The following MYT1 variants were observed in gnomAD, a reference collection of about 807,000 sequenced individuals.
The protein encoded by MYT1 is myelin transcription factor 1.
In MYT1, 23 loss-of-function variants were observed where a neutral mutation model predicts 123.0. The ratio of observed to expected loss-of-function variants is 0.19; its 90% CI spans 0.13 to 0.26. The LOEUF is 0.26. Among genes scored for constraint, MYT1 ranks in the 10% least tolerant of loss-of-function variants. The pLI is 1.00. For synonymous variants in MYT1, 518 were observed against 575.3 expected, an observed-to-expected ratio of 0.90 and a Z score of 1.43; for missense variants, 1,125 against 1,472.5, an observed-to-expected ratio of 0.76 and a Z score of 3.86.
chr20:64,180,718 C>A (rs1267510650), intron 1 of MYT1, among the ~76,000 whole-genome samples: 2 of 152,246 alleles, frequency 1.3e-5, no homozygotes, highest in Non-Finnish European at 2.9e-5. Flanking sequence ...CCTTTTCGGA[C>A]ACTTGTGCTC....
chr20:64,205,902 C>T, intron 6 of MYT1, 102 bp downstream of exon 6: 1 of 1,518,680 alleles, frequency 6.6e-7, no homozygotes, highest in Non-Finnish European at 8.8e-7. Context: ...CAAGAGAAAG[C>T]CCTTCCTGAG....
In MYT1 at chr20:64,213,778, C is replaced by T. The variant is rs112432609; in HGVS notation, c.1631+131C>T. The T allele has an allele frequency of 3.2e-3, 2,467 of 766,272 alleles. 48 individuals are homozygous for T. The African/African-American group carries it at 0.036, about 11-fold the overall frequency. The allele number at this position is 766,272 out of a possible 1,614,324, so 47.5% of individuals were successfully genotyped here. On this transcript the variant is annotated intron_variant, in intron 10 of 22. Coordinates refer to ENST00000328439, the MANE Select transcript of MYT1 (RefSeq NM_004535.3). The surrounding 1 kb of genome is among the most constrained non-coding windows in gnomAD (Gnocchi z 5.6). ...GTGAGTGTACGTGCATGTGAGTGTA[C>T]GTGCATGTGAGTGTGCACATGCCCC...
Position 64,218,891 on chromosome 20 carries a change from C to T in MYT1, c.1847-20C>T. ...GCCCCTCCAGTAGTTATGTGAGGAG[C>T]ACTTCATCCTCTTCTGCAGGCTTTG... is the stretch of plus-strand genomic sequence containing the variant. On this transcript the variant is annotated intron_variant, in intron 11 of 22. Transcript: ENST00000328439. The surrounding 1 kb of genome is among the most constrained non-coding windows in gnomAD (Gnocchi z 4.0). 6.2e-7 allele frequency: 1 copy of T among 1,613,150 alleles called. No individual in the cohort carries two copies. The highest frequency in any genetic ancestry group is 8.5e-7 in the Non-Finnish European group (1 of 1,180,030).
At chr20:64,204,853 A>G (rs945840094) in intron 4 of MYT1, among the ~76,000 whole-genome samples, 182 bp from the exon 5 acceptor site, 3 of 152,178 alleles carry the variant, frequency 2.0e-5, no homozygotes, top group African/African-American at 7.2e-5. Flanking sequence ...AACACTCGTA[A>G]AACTGTAATG....
chr20:64,176,274 G>A (rs73626446), intron 1 of MYT1, among the ~76,000 whole-genome samples: 3 of 67,008 alleles, frequency 4.5e-5, no homozygotes, highest in African/African-American at 1.3e-4. Flanking sequence ...CCCCTCCCTG[G>A]CTTCTCCTCC....
chr20:64,182,745 A>G (rs1050831147), intron 1 of MYT1, among the ~76,000 whole-genome samples: 1 of 152,138 alleles, frequency 6.6e-6, no homozygotes, highest in African/African-American at 2.4e-5. Context: ...GCAGCGGTCC[A>G]GAGGCTGGCC....
At chr20:64,194,752 G>A (rs1568704206) in intron 2 of MYT1, among the ~76,000 whole-genome samples, 1 of 152,188 alleles carries the variant, frequency 6.6e-6, no homozygotes, top group Non-Finnish European at 1.5e-5. Context: ...CGCAGCCTCT[G>A]GGGGCAAAGG....
chr20:64,178,029 C>T (rs866960266), intron 1 of MYT1, among the ~76,000 whole-genome samples: 8 of 152,288 alleles, frequency 5.3e-5, no homozygotes, highest in South Asian at 2.1e-4. Context: ...AGGAGCAGTC[C>T]TGGGACAGAG....
intron 4 of MYT1, 152 bp downstream of exon 4, chr20:64,200,074 C>T (rs191529672): frequency 7.1e-5 from 62 of 876,986 alleles, no homozygotes; most frequent in African/African-American, 6.0e-4. Flanking sequence ...CTCCTGGCCA[C>T]GTGTCCAGCT....
At chr20:64,227,802 A>T in intron 17 of MYT1, 86 bp from the exon 18 acceptor site, 12 of 922,816 alleles carry the variant, frequency 1.3e-5, no homozygotes, top group African/African-American at 6.6e-5. Flanking sequence ...GGGGTCACAG[A>T]GCTTGAGGGG....
rs1983939854 is a variant in MYT1 at position 64,219,698 on chromosome 20, C to T, written c.1972-15C>T. The T allele has an allele frequency of 3.1e-6, 5 of 1,601,014 alleles. No individual in the cohort carries two copies. The highest frequency in any genetic ancestry group is 1.7e-4 in the Middle Eastern group (1 of 6,036). ...GGGATGGAATCGCTAACAGATCTCA[C>T]CTTTGCCATTGCAGTCTGTGGATAT... On this transcript the variant is annotated splice_polypyrimidine_tract_variant and intron_variant, in intron 12 of 22. Coordinates refer to ENST00000328439, the MANE Select transcript of MYT1 (RefSeq NM_004535.3).
chr20:64,217,848 G>A (rs977250735), intron 11 of MYT1, among the ~76,000 whole-genome samples: 4 of 152,220 alleles, frequency 2.6e-5, no homozygotes, highest in African/African-American at 9.6e-5. Flanking sequence ...CTGGGTAATT[G>A]TACTGACAAA....
At chr20:64,184,790 G>A (rs1048182100) in intron 1 of MYT1, among the ~76,000 whole-genome samples, 1 of 152,190 alleles carries the variant, frequency 6.6e-6, no homozygotes, top group African/African-American at 2.4e-5. Flanking sequence ...TGACTGAAGA[G>A]GGGAAGAGGA....
chr20:64,236,616 G>A lies in MYT1; in HGVS notation c.2959G>A (p.Val987Ile), dbSNP rs1421630769. 1 of 1,613,742 alleles carries A rather than the reference G, an allele frequency of 6.2e-7. No homozygotes were observed. The highest frequency in any genetic ancestry group is 2.2e-5 in the East Asian group (1 of 44,890). Reference sequence around the variant, plus strand: ...GAAGGGAAAACTGTCAGGGGATGAGGTCCTCAGTCCAAAGTTCAAGACTAG... The same window carrying A: ...GAAGGGAAAACTGTCAGGGGATGAGATCCTCAGTCCAAAGTTCAAGACTAG... ...GKKGKLSGDE[V>I]LSPKFKTSDV... The change falls in exon 20 of 23, where the codon GTC becomes ATC. Residue 987 changes from valine (V) to isoleucine (I), a missense_variant. Transcript: ENST00000328439.
chr20:64,171,152 C>T (rs1045691818), intron 1 of MYT1, among the ~76,000 whole-genome samples: 2 of 151,584 alleles, frequency 1.3e-5, no homozygotes, highest in Admixed American at 1.3e-4. Flanking sequence ...CTCCTGACCT[C>T]AGGTGATCTG....
At position 64,218,897 on chromosome 20, in the gene MYT1, A is replaced by G. The variant is rs755401434; in HGVS notation, c.1847-14A>G. 1 of 1,613,244 alleles carries G rather than the reference A, an allele frequency of 6.2e-7. No homozygotes were observed. The highest frequency in any genetic ancestry group is 8.5e-7 in the Non-Finnish European group (1 of 1,179,996). The stretch of plus-strand genomic sequence containing the variant: ...CCAGTAGTTATGTGAGGAGCACTTC[A>G]TCCTCTTCTGCAGGCTTTGACTACT... On this transcript the variant is annotated splice_polypyrimidine_tract_variant and intron_variant, in intron 11 of 22. Coordinates refer to ENST00000328439, the MANE Select transcript of MYT1 (RefSeq NM_004535.3). This position sits in a 1 kb window ranked among gnomAD's most constrained non-coding sequence, Gnocchi z 4.0.
At chr20:64,170,869 A>G (rs1601696471) in intron 1 of MYT1, among the ~76,000 whole-genome samples, 1 of 60,698 alleles carries the variant, frequency 1.6e-5, no homozygotes, top group East Asian at 4.7e-4. Context: ...ATATATATAT[A>G]TATATATATA....
At chr20:64,211,499 C>G (rs1458070001) in intron 8 of MYT1, among the ~76,000 whole-genome samples, 159 bp downstream of exon 8, 1 of 152,236 alleles carries the variant, frequency 6.6e-6, no homozygotes, top group Non-Finnish European at 1.5e-5. Flanking sequence ...CTTTCCCCCA[C>G]AAACTCCCTC....
rs533854031 is a variant in MYT1, at chr20:64,225,167, A to G, written c.2528+1808A>G. ...TTCCTTTCCTCCCTCCGACCACTGC[A>G]TGAGCTTGGGACGATGGTGGTCTCC... On this transcript the variant is annotated intron_variant, in intron 16 of 22. Transcript: ENST00000328439. Among the ~76,000 whole-genome samples the G allele has an allele frequency of 1.4e-3, 212 of 152,224 alleles. 1 individual carries two copies. The highest frequency in any genetic ancestry group is 6.8e-3 in the Middle Eastern group (2 of 294).
Sources: gnomAD v4.1 joint callset for allele counts (sites outside exome capture counted in the v4.1 genomes callset) on GRCh38, gnomAD v4.1.1 for gene constraint, Gnocchi (gnomAD v3.1) non-coding constraint, MANE v1.5 for transcripts, NCBI Gene and HGNC (gene_info 2026-07-23, HGNC 2026-07-21) for gene names.